The following DOCK10 variants were observed in gnomAD, a reference collection of about 807,000 sequenced individuals.
The protein encoded by DOCK10 is dedicator of cytokinesis protein 10.
A neutral mutation model predicts 280.1 loss-of-function variants in DOCK10; 145 were observed. The ratio of observed to expected loss-of-function variants is 0.52; its 90% CI spans 0.45 to 0.59. DOCK10 has a LOEUF of 0.59. Among genes scored for constraint, DOCK10 ranks in the 20% least tolerant of loss-of-function variants. The probability of loss-of-function intolerance (pLI) is 0.00; values close to 1 mark genes in which losing one functional copy is unlikely to be tolerated. For missense variants in DOCK10, 2,368 were observed against 2,651.7 expected, an observed-to-expected ratio of 0.89 and a Z score of 2.35; for synonymous variants, 915 against 942.2, an observed-to-expected ratio of 0.97 and a Z score of 0.53.
intron 2 of DOCK10, among the ~76,000 whole-genome samples, chr2:224,917,852 T>C (rs571295388): frequency 8.5e-5 from 13 of 152,322 alleles, no homozygotes; most frequent in Admixed American, 4.6e-4. Flanking sequence ...CTGCTTCCTT[T>C]AGTCTGTGCA....
chr2:225,035,605 AATTGTGTGTTG>A lies in DOCK10; in HGVS notation c.123+6636_123+6646del, dbSNP rs1559987255. ...ATATATATAACACTGAATCAGTGTTAATTGTGTGTTGTATTAGTCAGTGCGGGCTGCCATAA... is the reference window on the plus strand; with the variant it reads ...ATATATATAACACTGAATCAGTGTTATATTAGTCAGTGCGGGCTGCCATAA... On this transcript the variant is annotated intron_variant, in intron 1 of 55. Transcript: ENST00000258390. Among the ~76,000 whole-genome samples the A allele has an allele frequency of 9.2e-3, 1,112 of 120,704 alleles. 40 individuals are homozygous for A. The highest frequency in any genetic ancestry group is 0.039 in the African/African-American group (1,033 of 26,730). 79.2% of individuals were successfully genotyped at this position (120,704 alleles called of 152,430 possible).
At chr2:224,846,898 A>G (rs934085456) in intron 19 of DOCK10, among the ~76,000 whole-genome samples, 12 of 152,138 alleles carry the variant, frequency 7.9e-5, no homozygotes, top group Admixed American at 5.2e-4. Context: ...ACCTAGACAC[A>G]CTCAATTGCA....
intron 3 of DOCK10, among the ~76,000 whole-genome samples, chr2:224,910,426 G>A (rs998269471): frequency 1.3e-5 from 2 of 152,132 alleles, no homozygotes; most frequent in Non-Finnish European, 2.9e-5. Context: ...AGTTAGCATC[G>A]CAGTTAGGAG....
intron 4 of DOCK10, among the ~76,000 whole-genome samples, chr2:224,886,888 A>ACCCCCC (rs200245451): frequency 4.2e-4 from 60 of 142,514 alleles, no homozygotes; most frequent in African/African-American, 1.5e-3. Flanking sequence ...CACCCCCAAC[A>ACCCCCC]CCCCCCCAAG....
At chr2:224,958,673 T>C (rs929375798) in intron 1 of DOCK10, among the ~76,000 whole-genome samples, 2 of 151,766 alleles carry the variant, frequency 1.3e-5, no homozygotes, top group Admixed American at 6.6e-5. Flanking sequence ...CAATATCATA[T>C]GTTTAAAAAA....
In DOCK10 at chr2:224,852,421, T is replaced by C; in HGVS notation, c.2098A>G (p.Ile700Val). ...TCTTCATCTGAATTTTTGAATTCAA[T>C]GCACACAGTTATATTCCGTGCCTGA... Reference protein sequence around the residue: ...FNKARNITVCIEFKNSDEESA... With the variant: ...FNKARNITVCVEFKNSDEESA... The change falls in exon 18 of 56, where the codon ATT (isoleucine) becomes GTT (valine). Residue 700 changes from isoleucine to valine, a missense_variant. Physicochemically the swap from Ile to Val is conservative, Grantham distance 29 (BLOSUM62 3). This residue lies in a region of DOCK10 where 1,209 missense variants were observed against 1,250.9 expected (regional missense o/e 0.97). Transcript: ENST00000258390. 6.4e-7 allele frequency: 1 copy of C among 1,569,292 alleles called. No individual in the cohort carries two copies. Among genetic ancestry groups the C allele is most frequent in the Non-Finnish European group, 8.7e-7 (1 of 1,155,934 alleles).
chr2:224,867,523 A>G (rs982602203), intron 11 of DOCK10, among the ~76,000 whole-genome samples: 1 of 152,174 alleles, frequency 6.6e-6, no homozygotes, highest in Non-Finnish European at 1.5e-5. Context: ...TAGGAAGTGG[A>G]AGATGTGAAA....
intron 15 of DOCK10, 75 bp downstream of exon 15, chr2:224,856,785 C>A: frequency 7.3e-7 from 1 of 1,364,786 alleles, no homozygotes; most frequent in Non-Finnish European, 9.9e-7. Context: ...GAATGAGATC[C>A]TCAGGTATTT....
intron 19 of DOCK10, among the ~76,000 whole-genome samples, chr2:224,846,152 G>A (rs1696334741): frequency 6.6e-6 from 1 of 152,178 alleles, no homozygotes; most frequent in Non-Finnish European, 1.5e-5. Context: ...TTTTTATTGT[G>A]ATGGATGATG....
intron 1 of DOCK10, among the ~76,000 whole-genome samples, chr2:225,007,378 C>T (rs979633282): frequency 1.3e-5 from 2 of 152,148 alleles, no homozygotes; most frequent in Non-Finnish European, 2.9e-5. Flanking sequence ...ATGAGGCCAA[C>T]ATTGTTGTAA....
At chr2:224,949,113 T>G (rs1185873489) in intron 1 of DOCK10, among the ~76,000 whole-genome samples, 1 of 152,148 alleles carries the variant, frequency 6.6e-6, no homozygotes, top group Non-Finnish European at 1.5e-5. Flanking sequence ...GAGGGGAAAA[T>G]CCAGAAGCAT....
rs545382219 is a variant in DOCK10 at position 224,796,735 on chromosome 2, T to C, written c.4827+229A>G. Among the ~76,000 whole-genome samples, 19 of 152,272 alleles carry C rather than the reference T, an allele frequency of 1.2e-4. 1 individual carries two copies. Among genetic ancestry groups the C allele is most frequent in the South Asian group, 8.3e-4 (4 of 4,824 alleles). ...TTCCTGAGTTGTTTACTCCATATGATTCTATTTCCTGGCAGAAGAAAGGAA... is the reference window on the plus strand; with the variant it reads ...TTCCTGAGTTGTTTACTCCATATGACTCTATTTCCTGGCAGAAGAAAGGAA... On this transcript the variant is annotated intron_variant, in intron 43 of 55. Coordinates refer to ENST00000258390, the MANE Select transcript of DOCK10 (RefSeq NM_014689.3).
chr2:224,852,598 A>G (rs1696818089), intron 17 of DOCK10, among the ~76,000 whole-genome samples, 156 bp from the exon 18 acceptor site: 1 of 152,212 alleles, frequency 6.6e-6, no homozygotes, highest in Non-Finnish European at 1.5e-5. Flanking sequence ...GAAATAACAG[A>G]AGGATCTGGA....
At chr2:224,912,665 T>C (rs1042994275) in intron 3 of DOCK10, among the ~76,000 whole-genome samples, 1 of 152,224 alleles carries the variant, frequency 6.6e-6, no homozygotes, top group Non-Finnish European at 1.5e-5. Context: ...TATATATGTA[T>C]AGGTTTTATA....
chr2:224,875,669 T>C (rs1454819511), intron 8 of DOCK10, among the ~76,000 whole-genome samples: 1 of 152,192 alleles, frequency 6.6e-6, no homozygotes, highest in East Asian at 1.9e-4. Context: ...AAGGAATTCA[T>C]ATTTGCCTTT....
rs970092801 is a variant in DOCK10 at position 224,962,710 on chromosome 2, A to T, written c.124-31042T>A. ...AGAATGCATGTTTCTCAAAGTCAAA[A>T]ATATAATCCTTAATCCTACATTTAC... On this transcript the variant is annotated intron_variant, in intron 1 of 55. Coordinates refer to ENST00000258390, the MANE Select transcript of DOCK10 (RefSeq NM_014689.3). Among the ~76,000 whole-genome samples the T allele has an allele frequency of 2.0e-5, 3 of 152,222 alleles. No homozygotes were observed. The East Asian group carries it at 5.8e-4, about 29-fold the overall frequency.
intron 42 of DOCK10, among the ~76,000 whole-genome samples, chr2:224,797,349 A>T: frequency 6.7e-6 from 1 of 150,254 alleles, no homozygotes; most frequent in African/African-American, 2.5e-5. Context: ...AGATAGAATT[A>T]TTCTCTACAT....
chr2:224,916,828 G>A (rs772447506), intron 2 of DOCK10, 44 bp from the exon 3 acceptor site: 24 of 1,461,850 alleles, frequency 1.6e-5, no homozygotes, highest in Non-Finnish European at 2.2e-5. Context: ...CGGCTTAGAA[G>A]TGTCGAGCAG....
Position 224,931,667 on chromosome 2 carries a change from T to A in DOCK10, c.125A>T (p.Gln42Leu). Residue 42 changes from glutamine to leucine, a missense_variant and splice_region_variant, in exon 2 of 56, where the codon CAA (glutamine) becomes CTA (leucine). Transcript: ENST00000258390. ...VAVSSRQQQR[Q>L]EKPRLLEPLD... ...AGGCTCGAGAAGCCTAGGCTTTTCT[T>A]GCTGTAGAAAAAGAAAATATGGTAT... The A allele has an allele frequency of 6.3e-7, 1 of 1,596,004 alleles. No individual in the cohort carries two copies. The highest frequency in any genetic ancestry group is 8.5e-7 in the Non-Finnish European group (1 of 1,170,900).
Sources: allele counts gnomAD v4.1 joint callset (sites outside exome capture counted in the v4.1 genomes callset), GRCh38; gene constraint gnomAD v4.1.1; regional missense constraint gnomAD v4.1.1; transcripts MANE v1.5; gene names NCBI Gene and HGNC (gene_info 2026-07-23, HGNC 2026-07-21).